Variants in C1QTNF3 observed in about 807,000 individuals in gnomAD.
The protein encoded by C1QTNF3 is C1q and TNF related 3.
A neutral mutation model predicts 32.6 loss-of-function variants in C1QTNF3; 26 were observed. That is an observed-to-expected ratio of 0.80 (90% confidence interval 0.58 to 1.11). The LOEUF (loss-of-function observed/expected upper bound fraction) is 1.11. Ranked by LOEUF, C1QTNF3 falls within the 50% of genes least tolerant of loss-of-function variation. C1QTNF3 has a pLI of 0.00. For synonymous variants in C1QTNF3, 155 were observed against 146.0 expected (o/e 1.06, Z -0.44); for missense variants, 362 against 398.2 (o/e 0.91, Z 0.77).
chr5:34,045,977 T>G (rs746625052), upstream of C1QTNF3, among the ~76,000 whole-genome samples: 1 of 152,194 alleles, frequency 6.6e-6, no homozygotes, highest in Non-Finnish European at 1.5e-5. Context: ...ACACCAGGCC[T>G]GAAGAATCCC....
chr5:34,176,875 G>GAATGAATC, the C1QTNF3 span, among the ~76,000 whole-genome samples: 14 of 151,910 alleles, frequency 9.2e-5, no homozygotes, highest in African/African-American at 2.4e-4. Flanking sequence ...ATGAATGAAT[G>GAATGAATC]AATGAATGAA....
chr5:34,160,049 A>G, the C1QTNF3 span, among the ~76,000 whole-genome samples: 1 of 152,334 alleles, frequency 6.6e-6, no homozygotes, highest in African/African-American at 2.4e-5. Context: ...AAAAATATAC[A>G]AATGCAGATA....
At chr5:34,132,931 T>A in the C1QTNF3 span, among the ~76,000 whole-genome samples, 2 of 152,198 alleles carry the variant, frequency 1.3e-5, no homozygotes, top group African/African-American at 4.8e-5. Flanking sequence ...CTGATAATAC[T>A]GTCATTAACA....
the C1QTNF3 span, among the ~76,000 whole-genome samples, chr5:34,068,207 G>A: frequency 3.9e-5 from 6 of 152,122 alleles, no homozygotes; most frequent in Non-Finnish European, 8.8e-5. Context: ...ACTTGTGAAT[G>A]TCAGAAATAG....
At chr5:34,062,657 T>A in the C1QTNF3 span, among the ~76,000 whole-genome samples, 3 of 152,192 alleles carry the variant, frequency 2.0e-5, no homozygotes, top group Non-Finnish European at 4.4e-5. Flanking sequence ...TTTTTCTCAA[T>A]CACCCAGGAG....
the C1QTNF3 span, among the ~76,000 whole-genome samples, chr5:34,213,810 T>TATATATA: frequency 0.053 from 724 of 13,578 alleles, 38 homozygotes; most frequent in Non-Finnish European, 0.076. Context: ...TATATATATA[T>TATATATA]TTTTTTTTTT....
chr5:34,114,928 T>A, the C1QTNF3 span, among the ~76,000 whole-genome samples: 337 of 152,272 alleles, frequency 2.2e-3, no homozygotes, highest in Non-Finnish European at 2.9e-3. Flanking sequence ...TCTGGTCCCA[T>A]TAATCATTCT....
At chr5:34,122,392 T>C in the C1QTNF3 span, among the ~76,000 whole-genome samples, 1,690 of 152,224 alleles carry the variant, frequency 0.011, 31 homozygotes, top group African/African-American at 0.039. Flanking sequence ...ATGAGGAACA[T>C]GTCATTGGAA....
At chr5:34,244,091 C>G in the C1QTNF3 span, among the ~76,000 whole-genome samples, 1 of 147,904 alleles carries the variant, frequency 6.8e-6, no homozygotes, top group Non-Finnish European at 1.5e-5. Flanking sequence ...AATTCATAGT[C>G]TCTTATGTCA....
chr5:34,063,938 G>A, the C1QTNF3 span, among the ~76,000 whole-genome samples: 2 of 152,150 alleles, frequency 1.3e-5, no homozygotes, highest in South Asian at 2.1e-4. Flanking sequence ...ATGCATGGGC[G>A]ACTGTTAAGT....
chr5:34,124,479 C>G, the C1QTNF3 span: 2 of 715,670 alleles, frequency 2.8e-6, no homozygotes, highest in Non-Finnish European at 5.2e-6. Context: ...AGGACCAGGC[C>G]CGTCACGATG....
At chr5:34,117,109 T>C in the C1QTNF3 span, among the ~76,000 whole-genome samples, 1 of 152,084 alleles carries the variant, frequency 6.6e-6, no homozygotes, top group African/African-American at 2.4e-5. Context: ...ATGTTGTAAC[T>C]GATATGTGGG....
chr5:34,215,040 CTT>C, the C1QTNF3 span, among the ~76,000 whole-genome samples: 1 of 152,104 alleles, frequency 6.6e-6, no homozygotes. Context: ...GAAGAGACAT[CTT>C]GTTAAAAAAT....
At chr5:34,196,048 C>G in the C1QTNF3 span, among the ~76,000 whole-genome samples, 13 of 152,292 alleles carry the variant, frequency 8.5e-5, no homozygotes, top group African/African-American at 2.9e-4. Flanking sequence ...CATTTCCAAT[C>G]TAGGAAGCAG....
the C1QTNF3 span, among the ~76,000 whole-genome samples, chr5:34,060,742 T>C: frequency 1.3e-5 from 2 of 152,162 alleles, no homozygotes; most frequent in Non-Finnish European, 2.9e-5. Flanking sequence ...GAGAATGGCA[T>C]GGGGAAAACC....
chr5:34,127,052 G>A, the C1QTNF3 span, among the ~76,000 whole-genome samples: 9 of 152,168 alleles, frequency 5.9e-5, no homozygotes, highest in African/African-American at 1.9e-4. Flanking sequence ...CGCCATGATT[G>A]TAACCTTCCT....
At chr5:34,135,617 T>C in the C1QTNF3 span, among the ~76,000 whole-genome samples, 15 of 151,482 alleles carry the variant, frequency 9.9e-5, 1 homozygote, top group South Asian at 3.1e-3. Flanking sequence ...AAAACTACTT[T>C]AAAGTTCATA....
At chr5:34,091,394 C>T in the C1QTNF3 span, among the ~76,000 whole-genome samples, 9 of 152,322 alleles carry the variant, frequency 5.9e-5, no homozygotes, top group East Asian at 1.7e-3. Context: ...TATTTTGTTT[C>T]CTCTTTGCCT....
At chr5:34,077,217 AT>A in the C1QTNF3 span, among the ~76,000 whole-genome samples, 4 of 151,782 alleles carry the variant, frequency 2.6e-5, no homozygotes, top group Non-Finnish European at 5.9e-5. Context: ...TTAATTTAAA[AT>A]CAGACTTTAA....
Sources: allele counts gnomAD v4.1 joint callset (sites outside exome capture counted in the v4.1 genomes callset), GRCh38; gene constraint gnomAD v4.1.1; transcripts MANE v1.5; gene names NCBI Gene and HGNC (gene_info 2026-07-23, HGNC 2026-07-21).